Variants in KHDRBS2 observed in about 807,000 individuals in gnomAD.
KHDRBS2 encodes KH RNA binding domain containing, signal transduction associated 2.
KHDRBS2 carries 26 observed loss-of-function variants against 44.3 expected under a neutral mutation model. That is an observed-to-expected ratio of 0.59 (90% CI 0.43 to 0.81). The LOEUF (loss-of-function observed/expected upper bound fraction) is 0.81, where lower values mean the gene tolerates loss of function less well. Among genes scored for constraint, KHDRBS2 ranks in the 40% least tolerant of loss-of-function variants. The probability of loss-of-function intolerance (pLI) is 0.00; values close to 1 mark genes in which losing one functional copy is unlikely to be tolerated. For synonymous variants in KHDRBS2, 194 were observed against 151.1 expected (o/e 1.28, Z -2.08); for missense variants, 476 against 433.1 (o/e 1.10, Z -0.88).
intron 1 of KHDRBS2, among the ~76,000 whole-genome samples, chr6:62,212,116 C>T (rs562510418): frequency 9.2e-5 from 14 of 152,186 alleles, no homozygotes; most frequent in African/African-American, 3.1e-4. Flanking sequence ...GAACAAATAA[C>T]TCTAAACTCT....
chr6:62,166,096 T>C (rs1208093142), intron 2 of KHDRBS2, among the ~76,000 whole-genome samples: 2 of 152,054 alleles, frequency 1.3e-5, no homozygotes, highest in Admixed American at 6.6e-5. Context: ...TTTAGCATAA[T>C]GTGTTCAATG....
At position 62,079,401 on chromosome 6, in the gene KHDRBS2, C is replaced by T. The variant is rs180823266; in HGVS notation, c.220-31407G>A. Among the ~76,000 whole-genome samples, 26 of 151,838 alleles carry T rather than the reference C, an allele frequency of 1.7e-4. No homozygotes were observed. In the East Asian group the frequency reaches 4.5e-3, roughly 26 times the overall value. On this transcript the variant is annotated intron_variant, in intron 2 of 8. Coordinates refer to ENST00000281156, the MANE Select transcript of KHDRBS2 (RefSeq NM_152688.4). ...CTATGTATGTAGCATTATTGGACAG[C>T]CTGGAATCAGGTTTCAGCATTTAAC...
At chr6:61,611,548 T>C in the KHDRBS2 span, among the ~76,000 whole-genome samples, 2 of 152,200 alleles carry the variant, frequency 1.3e-5, no homozygotes, top group African/African-American at 4.8e-5. Context: ...CTTAGCATTT[T>C]AAGCTTTCAT....
At chr6:61,780,491 G>C (rs1782770839) in intron 6 of KHDRBS2, among the ~76,000 whole-genome samples, 1 of 151,976 alleles carries the variant, frequency 6.6e-6, no homozygotes, top group South Asian at 2.1e-4. Flanking sequence ...ACTCTTTCTG[G>C]AAGAGTCAAA....
At chr6:61,598,191 C>A in the KHDRBS2 span, among the ~76,000 whole-genome samples, 1 of 150,708 alleles carries the variant, frequency 6.6e-6, no homozygotes, top group Non-Finnish European at 1.5e-5. Context: ...CTGTCAGGCT[C>A]AATATAGGAA....
At chr6:62,200,348 C>T (rs1826679458) in intron 1 of KHDRBS2, among the ~76,000 whole-genome samples, 1 of 151,902 alleles carries the variant, frequency 6.6e-6, no homozygotes, top group Admixed American at 6.6e-5. Flanking sequence ...TGACAAAGGG[C>T]TAATATCCAG....
chr6:62,087,587 A>G (rs1033403151), intron 2 of KHDRBS2, among the ~76,000 whole-genome samples: 34 of 152,146 alleles, frequency 2.2e-4, no homozygotes, highest in African/African-American at 7.7e-4. Context: ...CCCTGAGAAG[A>G]AAACAAACCC....
intron 4 of KHDRBS2, among the ~76,000 whole-genome samples, chr6:61,956,607 G>C (rs1767383497): frequency 6.6e-6 from 1 of 151,902 alleles, no homozygotes; most frequent in African/African-American, 2.4e-5. Flanking sequence ...CCTATACACA[G>C]AGAAAAGGCC....
At chr6:62,103,899 C>A (rs1238534298) in intron 2 of KHDRBS2, among the ~76,000 whole-genome samples, 3 of 152,112 alleles carry the variant, frequency 2.0e-5, no homozygotes, top group East Asian at 1.9e-4. Context: ...GAAATAAAGT[C>A]ATTTTAGACA....
At chr6:61,669,867 A>C in the KHDRBS2 span, among the ~76,000 whole-genome samples, 1 of 151,104 alleles carries the variant, frequency 6.6e-6, no homozygotes, top group Non-Finnish European at 1.5e-5. Flanking sequence ...GCATACACAA[A>C]TCAACCTATT....
chr6:62,244,140 G>A (rs1835145379), intron 1 of KHDRBS2, among the ~76,000 whole-genome samples: 1 of 152,096 alleles, frequency 6.6e-6, no homozygotes, highest in African/African-American at 2.4e-5. Context: ...AACAGTTTAT[G>A]TAGGGTTTTT....
chr6:61,871,290 T>G (rs1583265716), intron 6 of KHDRBS2, among the ~76,000 whole-genome samples: 1 of 152,038 alleles, frequency 6.6e-6, no homozygotes, highest in Middle Eastern at 3.4e-3. Context: ...AAATAAAGCG[T>G]GAAGACAAGA....
chr6:62,188,149 A>G (rs569547432), intron 1 of KHDRBS2, among the ~76,000 whole-genome samples: 46 of 152,186 alleles, frequency 3.0e-4, no homozygotes, highest in African/African-American at 1.0e-3. Flanking sequence ...ATCTGCCCTC[A>G]TGACCCAAAC....
At chr6:61,663,163 C>T in the KHDRBS2 span, among the ~76,000 whole-genome samples, 1,694 of 146,384 alleles carry the variant, frequency 0.012, 7 homozygotes, top group Middle Eastern at 0.029. Context: ...AAAAACCAAA[C>T]GCCGCGTGTT....
intron 2 of KHDRBS2, among the ~76,000 whole-genome samples, chr6:62,091,357 C>G (rs1052299921): frequency 2.6e-5 from 4 of 151,982 alleles, no homozygotes; most frequent in African/African-American, 9.7e-5. Context: ...AAATATCAAC[C>G]TGTATTTAAT....
chr6:61,707,536 AT>A (rs1035216070), intron 7 of KHDRBS2, among the ~76,000 whole-genome samples: 1 of 151,874 alleles, frequency 6.6e-6, no homozygotes, highest in Non-Finnish European at 1.5e-5. Flanking sequence ...CTAAAAGCCA[AT>A]TATTTTAGTT....
the KHDRBS2 span, among the ~76,000 whole-genome samples, chr6:61,673,621 A>G: frequency 1.5e-5 from 2 of 136,692 alleles, no homozygotes; most frequent in Non-Finnish European, 3.2e-5. Flanking sequence ...GCATTCTTAT[A>G]CACCAACAAC....
At chr6:61,614,146 A>C in the KHDRBS2 span, among the ~76,000 whole-genome samples, 1 of 152,186 alleles carries the variant, frequency 6.6e-6, no homozygotes, top group Non-Finnish European at 1.5e-5. Flanking sequence ...CACTACTTAC[A>C]GTCACATATT....
rs752500089 is a variant in KHDRBS2 at position 62,047,736 on chromosome 6, C to A, written c.336+142G>T. 7.8e-5 allele frequency: 50 copies of A among 643,442 alleles called. No homozygotes were observed. The Middle Eastern group carries it at 1.3e-3, about 17-fold the overall frequency. The allele number at this position is 643,442 out of a possible 1,614,324, so 39.9% of individuals were successfully genotyped here. A position where few individuals can be genotyped will look rare whatever the true frequency, so the allele number is the denominator to read the frequency against. ...ATTTTTAGGAAGAGAGAGGAGATAGCAGAAAGTGACACAGGGTGATCCCAG... is the reference window on the plus strand; with the variant it reads ...ATTTTTAGGAAGAGAGAGGAGATAGAAGAAAGTGACACAGGGTGATCCCAG... On this transcript the variant is annotated intron_variant, in intron 3 of 8. Coordinates refer to ENST00000281156, the MANE Select transcript of KHDRBS2 (RefSeq NM_152688.4).
Sources: gnomAD v4.1 joint callset for allele counts (sites outside exome capture counted in the v4.1 genomes callset) on GRCh38, gnomAD v4.1.1 for gene constraint, MANE v1.5 for transcripts, NCBI Gene and HGNC (gene_info 2026-07-23, HGNC 2026-07-21) for gene names.